Variants in CYYR1 observed in about 807,000 individuals in gnomAD.
CYYR1 encodes cysteine and tyrosine-rich protein 1.
A neutral mutation model predicts 15.2 loss-of-function variants in CYYR1; 14 were observed. The ratio of observed to expected loss-of-function variants is 0.92; its 90% CI spans 0.61 to 1.44. The LOEUF is 1.44. Among genes scored for constraint, CYYR1 ranks in the 40% most tolerant of loss-of-function variants. The pLI is 0.00. For synonymous variants in CYYR1, 80 were observed against 77.4 expected (o/e 1.03, Z -0.18); for missense variants, 228 against 209.5 (o/e 1.09, Z -0.54).
At chr21:26,507,048 A>T (rs947482140) in intron 2 of CYYR1, among the ~76,000 whole-genome samples, 3 of 152,198 alleles carry the variant, frequency 2.0e-5, no homozygotes, top group Non-Finnish European at 4.4e-5. Context: ...TAGCTGTGAA[A>T]GCCCTCAGCC....
intron 2 of CYYR1, among the ~76,000 whole-genome samples, chr21:26,540,350 G>A (rs1405643240): frequency 1.3e-5 from 2 of 152,144 alleles, no homozygotes; most frequent in Admixed American, 6.5e-5. Flanking sequence ...CTAACGGCAT[G>A]CCCCAATCAG....
intron 2 of CYYR1, among the ~76,000 whole-genome samples, chr21:26,486,905 G>A (rs373009891): frequency 3.3e-5 from 5 of 151,978 alleles, no homozygotes; most frequent in East Asian, 3.9e-4. Context: ...TGAAAAGTAC[G>A]CCAGAGTAAT....
In CYYR1 at chr21:26,573,124, C is replaced by T; in HGVS notation, c.-184G>A. 1 of 1,501,182 alleles carries T rather than the reference C, an allele frequency of 6.7e-7. No homozygotes were observed. Among genetic ancestry groups the T allele is most frequent in the Non-Finnish European group, 8.8e-7 (1 of 1,130,260 alleles). The allele number at this position is 1,501,182 out of a possible 1,614,324, so 93.0% of individuals were successfully genotyped here. ...CGGGCGCGTCCCGGGCCAGCGACTG[C>T]GGGACTCCGCGGAGCTGGGGCGCCC... On this transcript the variant is annotated 5_prime_UTR_variant, in exon 1 of 4. Transcript: ENST00000652641.
At chr21:26,491,146 C>T (rs957894649) in intron 2 of CYYR1, among the ~76,000 whole-genome samples, 8 of 152,168 alleles carry the variant, frequency 5.3e-5, no homozygotes, top group East Asian at 3.8e-4. Flanking sequence ...CACAGGCTTT[C>T]CTGCTTTTCT....
At chr21:26,571,303 A>G (rs1980995490) in intron 1 of CYYR1, among the ~76,000 whole-genome samples, 1 of 152,276 alleles carries the variant, frequency 6.6e-6, no homozygotes, top group African/African-American at 2.4e-5. Context: ...AAGTCAACTT[A>G]GCACTGGCTT....
intron 2 of CYYR1, among the ~76,000 whole-genome samples, chr21:26,535,665 C>T (rs1046467216): frequency 5.9e-5 from 9 of 152,146 alleles, no homozygotes; most frequent in East Asian, 1.9e-4. Context: ...TTACTTGTTT[C>T]GTATGCAATC....
At chr21:26,530,213 C>A (rs758002079) in intron 2 of CYYR1, among the ~76,000 whole-genome samples, 1 of 152,132 alleles carries the variant, frequency 6.6e-6, no homozygotes, top group African/African-American at 2.4e-5. Flanking sequence ...TCTGCTCCAG[C>A]AGCCTGAATG....
At chr21:26,539,016 T>G (rs1416245536) in intron 2 of CYYR1, among the ~76,000 whole-genome samples, 2 of 152,146 alleles carry the variant, frequency 1.3e-5, no homozygotes, top group African/African-American at 4.8e-5. Context: ...AATTTGGAGA[T>G]ACAGGCAAAG....
rs991658832 is a variant in CYYR1, at chr21:26,564,957, C to T, written c.176+1309G>A. On this transcript the variant is annotated intron_variant, in intron 2 of 3. Transcript: ENST00000652641. ...TATTTAAATTTGAGCTGATAAGTTA[C>T]TGTAAAAAATCATCCTGACAGTTTT... The T allele has an allele frequency of 4.1e-5, 15 of 369,000 alleles. No homozygotes were observed. In the Admixed American group the frequency reaches 4.7e-4, roughly 11 times the overall value. 22.9% of individuals were successfully genotyped at this position (369,000 alleles called of 1,614,324 possible). A position where few individuals can be genotyped will look rare whatever the true frequency, so the allele number is the denominator to read the frequency against.
chr21:26,498,358 A>G (rs2065435248), intron 2 of CYYR1, among the ~76,000 whole-genome samples: 1 of 152,202 alleles, frequency 6.6e-6, no homozygotes, highest in Admixed American at 6.5e-5. Context: ...GGAAGAAGTA[A>G]TTAAAATGAG....
intron 2 of CYYR1, among the ~76,000 whole-genome samples, chr21:26,534,586 C>G (rs1297394650): frequency 1.3e-5 from 2 of 152,124 alleles, no homozygotes; most frequent in Admixed American, 6.6e-5. Flanking sequence ...TTGGCTCGCT[C>G]TCAGTATCGT....
chr21:26,489,979 G>A (rs982310744), intron 2 of CYYR1, among the ~76,000 whole-genome samples: 10 of 152,014 alleles, frequency 6.6e-5, no homozygotes, highest in Non-Finnish European at 1.5e-4. Context: ...ACTACCACTA[G>A]ATAGCGACAT....
chr21:26,485,399 G>A (rs1356074731), intron 2 of CYYR1, among the ~76,000 whole-genome samples: 1 of 152,006 alleles, frequency 6.6e-6, no homozygotes, highest in Non-Finnish European at 1.5e-5. Flanking sequence ...AACCACTACA[G>A]CAAGCAAGAT....
At chr21:26,477,137 A>G (rs2065115881) in intron 3 of CYYR1, among the ~76,000 whole-genome samples, 1 of 152,146 alleles carries the variant, frequency 6.6e-6, no homozygotes, top group South Asian at 2.1e-4. Context: ...CTCTGCATTT[A>G]TCTGATCTGT....
At chr21:26,497,153 C>A (rs550674812) in intron 2 of CYYR1, among the ~76,000 whole-genome samples, 1 of 152,126 alleles carries the variant, frequency 6.6e-6, no homozygotes, top group African/African-American at 2.4e-5. Context: ...AACTTTGGTC[C>A]TTAAAACATC....
chr21:26,521,729 C>A (rs1212113859), intron 2 of CYYR1, among the ~76,000 whole-genome samples: 1 of 152,062 alleles, frequency 6.6e-6, no homozygotes, highest in Non-Finnish European at 1.5e-5. Context: ...GTCCACCCAC[C>A]CATAGGTTAC....
At chr21:26,554,339 A>AT (rs576580892) in intron 2 of CYYR1, among the ~76,000 whole-genome samples, 37 of 152,030 alleles carry the variant, frequency 2.4e-4, no homozygotes, top group African/African-American at 5.1e-4. Context: ...TATATATGTA[A>AT]TTTTTTTCTA....
intron 1 of CYYR1, 128 bp from the exon 2 acceptor site, chr21:26,566,496 C>A: frequency 1.4e-6 from 1 of 689,814 alleles, no homozygotes; most frequent in Non-Finnish European, 2.5e-6. Flanking sequence ...CATTTTCGTC[C>A]TCAGAATTCA....
chr21:26,495,024 G>A (rs557930844), intron 2 of CYYR1, among the ~76,000 whole-genome samples: 1 of 152,300 alleles, frequency 6.6e-6, no homozygotes, highest in Non-Finnish European at 1.5e-5. Flanking sequence ...ACAGGCAAAA[G>A]GAAAGAGGAA....
Sources: gnomAD v4.1 joint callset for allele counts (sites outside exome capture counted in the v4.1 genomes callset) on GRCh38, gnomAD v4.1.1 for gene constraint, MANE v1.5 for transcripts, NCBI Gene and HGNC (gene_info 2026-07-23, HGNC 2026-07-21) for gene names.